RGS6: variants seen among roughly 807,000 people sequenced by gnomAD.
RGS6 encodes regulator of G-protein signaling 6.
A neutral mutation model predicts 78.5 loss-of-function variants in RGS6; 30 were observed. The observed-to-expected ratio is 0.38, with a 90% CI of 0.29 to 0.52. The LOEUF (loss-of-function observed/expected upper bound fraction) is 0.52, where lower values mean the gene tolerates loss of function less well. Among genes scored for constraint, RGS6 ranks in the 20% least tolerant of loss-of-function variants. The pLI is 0.85. For missense variants in RGS6, 495 were observed against 609.7 expected, an observed-to-expected ratio of 0.81 and a Z score of 1.98; for synonymous variants, 206 against 206.0, an observed-to-expected ratio of 1.00 and a Z score of 0.00.
intron 3 of RGS6, among the ~76,000 whole-genome samples, chr14:72,390,089 T>C (rs1163893217): frequency 7.9e-6 from 1 of 126,898 alleles, no homozygotes; most frequent in Non-Finnish European, 1.6e-5. Flanking sequence ...GAGCTATAGT[T>C]CTTTTTTTTT....
In RGS6 at chr14:72,520,810, T is replaced by C. The variant is rs190101513; in HGVS notation, c.1278+2273T>C. On this transcript the variant is annotated intron_variant, in intron 15 of 17. Transcript: ENST00000553525. ...TTTAATCCATTTTGCTGATTACTTT[T>C]ATTGATGCTTGGATTGGGCCATCTC... Among the ~76,000 whole-genome samples the C allele has an allele frequency of 4.9e-4, 74 of 152,350 alleles. 1 individual carries two copies. In the East Asian group the frequency reaches 8.9e-3, roughly 18 times the overall value.
At chr14:71,918,002 T>C in the RGS6 span, among the ~76,000 whole-genome samples, 3 of 151,368 alleles carry the variant, frequency 2.0e-5, no homozygotes, top group African/African-American at 7.3e-5. Flanking sequence ...CGAAACCCCG[T>C]CTCTACTGAA....
chr14:72,575,614 A>G, the RGS6 span, among the ~76,000 whole-genome samples: 14 of 152,330 alleles, frequency 9.2e-5, no homozygotes, highest in South Asian at 2.1e-4. Context: ...CACCACCTCC[A>G]TCAGTTCCGC....
chr14:72,506,442 G>A (rs540796741), intron 13 of RGS6, among the ~76,000 whole-genome samples: 26 of 152,292 alleles, frequency 1.7e-4, no homozygotes, highest in Admixed American at 1.2e-3. Context: ...TTAATTTGCA[G>A]AATTATTTTA....
intron 10 of RGS6, among the ~76,000 whole-genome samples, chr14:72,475,009 G>C (rs561153656): frequency 1.0e-3 from 152 of 149,198 alleles, no homozygotes; most frequent in Admixed American, 6.4e-3. Context: ...AGCTAAGCCA[G>C]ACCTGGAGTG....
At chr14:72,337,655 T>C (rs2076287906) in intron 2 of RGS6, among the ~76,000 whole-genome samples, 1 of 152,164 alleles carries the variant, frequency 6.6e-6, no homozygotes, top group Non-Finnish European at 1.5e-5. Flanking sequence ...AGGCCCTGCC[T>C]GACTATGCTG....
At chr14:72,571,566 A>G in the RGS6 span, among the ~76,000 whole-genome samples, 7 of 152,218 alleles carry the variant, frequency 4.6e-5, no homozygotes, top group Middle Eastern at 3.2e-3. Flanking sequence ...AAACAATTCA[A>G]TAGGGGAAAG....
chr14:72,491,589 G>A lies in RGS6; in HGVS notation c.855-3563G>A, dbSNP rs140714406. Among the ~76,000 whole-genome samples, 377 of 152,198 alleles carry A rather than the reference G, an allele frequency of 2.5e-3. 5 individuals are homozygous for A. The highest frequency in any genetic ancestry group is 8.7e-3 in the African/African-American group (361 of 41,524). On this transcript the variant is annotated intron_variant, in intron 12 of 17. Coordinates refer to ENST00000553525, the MANE Select transcript of RGS6 (RefSeq NM_001204424.2). ...AACATAACCACAGGCCCCTATGTCT[G>A]TATTTGTTATTTTTTATTTTTTTAA...
chr14:72,223,356 C>T (rs747168728), intron 2 of RGS6, among the ~76,000 whole-genome samples: 1 of 152,160 alleles, frequency 6.6e-6, no homozygotes, highest in African/African-American at 2.4e-5. Flanking sequence ...GTTCAATTAG[C>T]GGATTCCTTA....
intron 2 of RGS6, among the ~76,000 whole-genome samples, chr14:72,073,128 C>T (rs925042551): frequency 4.6e-5 from 7 of 152,186 alleles, no homozygotes; most frequent in Admixed American, 6.5e-5. Flanking sequence ...GTTTTGTTAA[C>T]GTTTCTTTAT....
intron 2 of RGS6, among the ~76,000 whole-genome samples, chr14:72,006,420 G>A (rs151056820): frequency 5.8e-4 from 88 of 152,280 alleles, no homozygotes; most frequent in Middle Eastern, 3.4e-3. Context: ...ATTAGGTTTT[G>A]AAAGACAGAG....
chr14:72,204,243 A>G (rs1427861876), intron 2 of RGS6, among the ~76,000 whole-genome samples: 1 of 152,226 alleles, frequency 6.6e-6, no homozygotes, highest in East Asian at 1.9e-4. Flanking sequence ...ACTTGAAGCT[A>G]CAGTGTTTTT....
At chr14:72,097,782 C>T (rs1237478554) in intron 2 of RGS6, among the ~76,000 whole-genome samples, 1 of 152,118 alleles carries the variant, frequency 6.6e-6, no homozygotes, top group African/African-American at 2.4e-5. Context: ...GCGTCTTGTC[C>T]CCCACACCCA....
At chr14:71,905,743 G>A in the RGS6 span, among the ~76,000 whole-genome samples, 14 of 152,188 alleles carry the variant, frequency 9.2e-5, no homozygotes, top group Non-Finnish European at 1.5e-4. Flanking sequence ...GCCTGCCTTG[G>A]CCTCCCAAAG....
chr14:72,364,524 C>G (rs2082106611), intron 3 of RGS6, among the ~76,000 whole-genome samples: 1 of 152,162 alleles, frequency 6.6e-6, no homozygotes, highest in African/African-American at 2.4e-5. Flanking sequence ...CAGCAGATAC[C>G]AGCAGATACT....
Position 72,282,542 on chromosome 14 carries a change from G to A in RGS6, c.85-69553G>A, listed in dbSNP as rs760746345. Among the ~76,000 whole-genome samples the A allele has an allele frequency of 5.9e-5, 9 of 152,148 alleles. 1 individual carries two copies. The highest frequency in any genetic ancestry group is 1.2e-4 in the Non-Finnish European group (8 of 68,032). ...CCACCCCTGCTTAATGCTACTCCTG[G>A]TTTAAGACATGAGCCCAATTTCTCT... On this transcript the variant is annotated intron_variant, in intron 2 of 17. Transcript: ENST00000553525.
At chr14:72,396,043 T>C (rs2091174539) in intron 3 of RGS6, among the ~76,000 whole-genome samples, 1 of 152,156 alleles carries the variant, frequency 6.6e-6, no homozygotes, top group Admixed American at 6.5e-5. Context: ...TTTGGGTATA[T>C]ACCCAGTAAT....
Position 72,357,255 on chromosome 14 carries a change from C to T in RGS6, c.184+5061C>T, listed in dbSNP as rs1365590953. Among the ~76,000 whole-genome samples, 3 of 150,302 alleles carry T rather than the reference C, an allele frequency of 2.0e-5. No individual in the cohort carries two copies. The East Asian group carries it at 5.9e-4, about 29-fold the overall frequency. ...CCACTGCATTCCAGTCTGTGAGACCCTGTCTCAGAAAAAAAAAAAAAATAG... is the reference window on the plus strand; with the variant it reads ...CCACTGCATTCCAGTCTGTGAGACCTTGTCTCAGAAAAAAAAAAAAAATAG... On this transcript the variant is annotated intron_variant, in intron 3 of 17. Coordinates refer to ENST00000553525, the MANE Select transcript of RGS6 (RefSeq NM_001204424.2).
rs565243398 is a variant in RGS6 at position 72,563,906 on chromosome 14, A to T, written c.*1439A>T. The T allele has an allele frequency of 6.6e-6, 1 of 152,322 alleles. No individual in the cohort carries two copies. Among genetic ancestry groups the T allele is most frequent in the Admixed American group, 6.5e-5 (1 of 15,304 alleles). The allele number at this position is 152,322 out of a possible 1,614,324, so 9.4% of individuals were successfully genotyped here. On this transcript the variant is annotated 3_prime_UTR_variant, in exon 18 of 18. Transcript: ENST00000553525. The stretch of plus-strand genomic sequence containing the variant: ...CTATTTTTGGTCATAGGTAAAAAAA[A>T]AAATCTCTCTTGGGAGCATATAAAC...
Sources: gnomAD v4.1 joint callset for allele counts (sites outside exome capture counted in the v4.1 genomes callset) on GRCh38, gnomAD v4.1.1 for gene constraint, MANE v1.5 for transcripts, NCBI Gene and HGNC (gene_info 2026-07-23, HGNC 2026-07-21) for gene names.